Variants in ADSS2 observed in about 807,000 individuals in gnomAD.
ADSS2 encodes the protein adenylosuccinate synthase 2, also known as adenylosuccinate synthetase isozyme 2.
Under a neutral mutation model 60.0 loss-of-function variants are expected in ADSS2, and 30 were observed. That is an observed-to-expected ratio of 0.50 (90% CI 0.37 to 0.68). The LOEUF is 0.68. Ranked by LOEUF, ADSS2 falls within the 30% of genes least tolerant of loss-of-function variation. The pLI is 0.00. For missense variants in ADSS2, 373 were observed against 554.8 expected, an observed-to-expected ratio of 0.67 and a Z score of 3.29; for synonymous variants, 187 against 193.1, an observed-to-expected ratio of 0.97 and a Z score of 0.26.
chr1:244,424,342 C>G lies in ADSS2; in HGVS notation c.452G>C (p.Arg151Thr). ...ATACTTTTTTCCTGCTTGTTCTTGT[C>G]TCTGTTGTTCCTGGATACCATCAGC... is the stretch of plus-strand genomic sequence containing the variant. ...QAADGIQEQQ[R>T]QEQAGKNLGT... Residue 151 changes from arginine (R) to threonine (T), a missense_variant, in exon 5 of 13, where the codon AGA (arginine) becomes ACA (threonine). Arg to Thr is a moderately conservative substitution (Grantham distance 71). Coordinates refer to ENST00000366535, the MANE Select transcript of ADSS2 (RefSeq NM_001126.5). 1.9e-6 allele frequency: 3 copies of G among 1,613,312 alleles called. No homozygotes were observed. Among genetic ancestry groups the G allele is most frequent in the Non-Finnish European group, 2.5e-6 (3 of 1,179,564 alleles).
chr1:244,431,940 A>G (rs1664956340), intron 4 of ADSS2, among the ~76,000 whole-genome samples: 1 of 152,226 alleles, frequency 6.6e-6, no homozygotes, highest in Non-Finnish European at 1.5e-5. Context: ...GGACACACGC[A>G]TACTTAAATA....
At chr1:244,418,687 CAATA>C (rs763047634) in intron 9 of ADSS2, 69 bp downstream of exon 9, 35 of 1,410,084 alleles carry the variant, frequency 2.5e-5, no homozygotes, top group Non-Finnish European at 2.9e-5. Context: ...GCACAGGAGA[CAATA>C]ATTCATTAAG....
At chr1:244,425,165 C>T (rs1343981700) in intron 4 of ADSS2, among the ~76,000 whole-genome samples, 2 of 152,176 alleles carry the variant, frequency 1.3e-5, no homozygotes, top group Non-Finnish European at 2.9e-5. Flanking sequence ...ATTTCCGGTG[C>T]AAACATGTCC....
chr1:244,422,954 T>C, intron 6 of ADSS2, 38 bp from the exon 7 acceptor site: 1 of 1,289,700 alleles, frequency 7.8e-7, no homozygotes, highest in East Asian at 2.4e-5. Flanking sequence ...TACCACTCTG[T>C]GAAAAATATT....
intron 1 of ADSS2, among the ~76,000 whole-genome samples, chr1:244,439,223 G>A (rs1407311571): frequency 6.6e-6 from 1 of 152,172 alleles, no homozygotes; most frequent in African/African-American, 2.4e-5. Flanking sequence ...GCAAATGACA[G>A]GATTTCATTC....
At position 244,424,030 on chromosome 1, in the gene ADSS2, T is replaced by A; in HGVS notation, c.504A>T (p.Pro168=). Residue 168 remains proline, a synonymous_variant, in exon 6 of 13, where the codon CCA becomes CCT. Coordinates refer to ENST00000366535, the MANE Select transcript of ADSS2 (RefSeq NM_001126.5). The part of the protein sequence containing the change: ...NLGTTKKGIG[P]VYSSKAARSG... ...TCCGAGCAGCTTTGGACGAATAAAC[T>A]GGGCCAATGCCCTTTTTTGTTGTAC... is the stretch of plus-strand genomic sequence containing the variant. 6.2e-7 allele frequency: 1 copy of A among 1,613,102 alleles called. No homozygotes were observed. Among genetic ancestry groups the A allele is most frequent in the East Asian group, 2.2e-5 (1 of 44,864 alleles).
intron 7 of ADSS2, among the ~76,000 whole-genome samples, chr1:244,420,594 A>C (rs192677410): frequency 6.6e-6 from 1 of 152,334 alleles, no homozygotes. Flanking sequence ...ATACTTCATA[A>C]ACCAGCTTTC....
intron 10 of ADSS2, among the ~76,000 whole-genome samples, chr1:244,416,853 C>A (rs1043665449): frequency 5.3e-5 from 8 of 152,138 alleles, no homozygotes; most frequent in African/African-American, 1.9e-4. Context: ...ACATCAAGGA[C>A]CTCTTCATGA....
At chr1:244,422,122 T>C (rs1664688784) in intron 7 of ADSS2, among the ~76,000 whole-genome samples, 1 of 152,220 alleles carries the variant, frequency 6.6e-6, no homozygotes, top group African/African-American at 2.4e-5. Flanking sequence ...ACTTAGTGGA[T>C]GGGCAGACCT....
chr1:244,424,218 G>A, intron 5 of ADSS2, 103 bp downstream of exon 5: 5 of 1,276,124 alleles, frequency 3.9e-6, no homozygotes, highest in Non-Finnish European at 5.5e-6. Context: ...CTCTAAAACA[G>A]GATATTCTAA....
At chr1:244,435,194 AAAAC>A (rs1348177073) in intron 3 of ADSS2, among the ~76,000 whole-genome samples, 70 of 127,852 alleles carry the variant, frequency 5.5e-4, no homozygotes, top group South Asian at 1.2e-3. Context: ...AAAAAAAAAA[AAAAC>A]AAACCTGAAC....
chr1:244,446,211 T>C (rs1665381417), intron 1 of ADSS2, among the ~76,000 whole-genome samples: 2 of 152,226 alleles, frequency 1.3e-5, no homozygotes, highest in South Asian at 4.1e-4. Context: ...GTCTCCTCCT[T>C]TCCAGATGAA....
intron 1 of ADSS2, among the ~76,000 whole-genome samples, chr1:244,445,230 T>C (rs186100065): frequency 5.1e-4 from 77 of 152,308 alleles, no homozygotes; most frequent in African/African-American, 1.7e-3. Context: ...GATAGTTTCT[T>C]TCCATTGCTT....
At chr1:244,417,578 C>A in intron 10 of ADSS2, 50 bp downstream of exon 10, 1 of 1,597,078 alleles carries the variant, frequency 6.3e-7, no homozygotes. Flanking sequence ...AACCTATGGC[C>A]ATTAATCATC....
At chr1:244,413,611 G>A (rs1185456492) in intron 11 of ADSS2, among the ~76,000 whole-genome samples, 1 of 152,166 alleles carries the variant, frequency 6.6e-6, no homozygotes, top group South Asian at 2.1e-4. Context: ...AATCAGCAGC[G>A]CCAGGCATCA....
At position 244,422,840 on chromosome 1, in the gene ADSS2, GTTTTTGTAATTCACCTTCAATGTCTA is replaced by G. The variant is rs755730977; in HGVS notation, c.632_657del (p.Ile211ThrfsTer9). On this transcript the variant is annotated frameshift_variant, in exon 7 of 13. Coordinates refer to ENST00000366535, the MANE Select transcript of ADSS2 (RefSeq NM_001126.5). LOFTEE classifies it high-confidence loss of function. ...AAGATGCCAGAAAGCATTACCTTGAGTTTTTGTAATTCACCTTCAATGTCTATTTCCAAAGTGGGGTATATAGATTT... is the reference window on the plus strand; with the variant it reads ...AAGATGCCAGAAAGCATTACCTTGAGTTTCCAAAGTGGGGTATATAGATTT... The G allele has an allele frequency of 6.3e-7, 1 of 1,587,824 alleles. No homozygotes were observed. Among genetic ancestry groups the G allele is most frequent in the Non-Finnish European group, 8.6e-7 (1 of 1,156,994 alleles).
chr1:244,420,107 T>C, intron 8 of ADSS2, 63 bp downstream of exon 8: 1 of 1,493,940 alleles, frequency 6.7e-7, no homozygotes, highest in African/African-American at 1.4e-5. Context: ...ACATTAATTA[T>C]TTATATTTTA....
chr1:244,442,687 G>T (rs184541079), intron 1 of ADSS2, among the ~76,000 whole-genome samples: 6 of 152,272 alleles, frequency 3.9e-5, no homozygotes, highest in Admixed American at 3.3e-4. Context: ...AACTGAGAAA[G>T]AGCTGCTCAT....
intron 7 of ADSS2, 24 bp downstream of exon 7, chr1:244,422,811 A>G: frequency 6.5e-7 from 1 of 1,538,852 alleles, no homozygotes; most frequent in Non-Finnish European, 9.0e-7. Flanking sequence ...TAAAAAGAAC[A>G]TTAAAGATGC....
Sources: allele counts gnomAD v4.1 joint callset (sites outside exome capture counted in the v4.1 genomes callset), GRCh38; gene constraint gnomAD v4.1.1; transcripts MANE v1.5; gene names NCBI Gene and HGNC (gene_info 2026-07-23, HGNC 2026-07-21).